SNAP91: variants seen among roughly 807,000 people sequenced by gnomAD.
SNAP91 encodes clathrin coat assembly protein AP180.
Under a neutral mutation model 100.3 loss-of-function variants are expected in SNAP91, and 27 were observed. That is an observed-to-expected ratio of 0.27 (90% CI 0.20 to 0.37). The LOEUF (loss-of-function observed/expected upper bound fraction) is 0.37, where lower values mean the gene tolerates loss of function less well. Ranked by LOEUF, SNAP91 falls within the 10% of genes least tolerant of loss-of-function variation. The pLI is 1.00. For missense variants in SNAP91, 986 were observed against 1,123.7 expected (o/e 0.88, Z 1.75); for synonymous variants, 404 against 398.6 (o/e 1.01, Z -0.16).
chr6:83,613,733 A>G (rs1442264179), intron 11 of SNAP91, among the ~76,000 whole-genome samples: 4 of 152,174 alleles, frequency 2.6e-5, no homozygotes, highest in Non-Finnish European at 4.4e-5. Context: ...CTCTTACACA[A>G]CATATAAATT....
chr6:83,614,757 A>T, intron 11 of SNAP91, 100 bp downstream of exon 11: 6 of 844,376 alleles, frequency 7.1e-6, no homozygotes, highest in Non-Finnish European at 1.1e-5. Flanking sequence ...GACAGAAATC[A>T]GTTTTAAATC....
intron 26 of SNAP91, among the ~76,000 whole-genome samples, chr6:83,570,639 T>C (rs1805568982): frequency 6.6e-6 from 1 of 152,070 alleles, no homozygotes; most frequent in Non-Finnish European, 1.5e-5. Context: ...GTGTCCCGGC[T>C]GCTCCAGCTG....
At chr6:83,707,979 G>T (rs889378180) in intron 1 of SNAP91, 22 bp from the exon 2 acceptor site, 6 of 1,520,828 alleles carry the variant, frequency 3.9e-6, no homozygotes, top group African/African-American at 1.4e-5. Context: ...AAGGGGAGAC[G>T]GTCCGGCTTT....
chr6:83,707,685 T>G, intron 2 of SNAP91, 113 bp downstream of exon 2: 1 of 1,396,046 alleles, frequency 7.2e-7, no homozygotes, highest in Non-Finnish European at 9.6e-7. Flanking sequence ...AGGGGCAACC[T>G]GGCTGGGAGT....
chr6:83,588,649 T>C (rs1174799604), intron 22 of SNAP91, among the ~76,000 whole-genome samples: 1 of 152,166 alleles, frequency 6.6e-6, no homozygotes, highest in Non-Finnish European at 1.5e-5. Flanking sequence ...TGTTTTTAGA[T>C]TCTTATTGCA....
chr6:83,584,962 C>T (rs1027362880), intron 22 of SNAP91, among the ~76,000 whole-genome samples: 9 of 152,112 alleles, frequency 5.9e-5, no homozygotes, highest in African/African-American at 2.2e-4. Flanking sequence ...TCCCATTATA[C>T]TCGGTTCTTA....
intron 17 of SNAP91, among the ~76,000 whole-genome samples, 179 bp downstream of exon 17, chr6:83,594,195 A>G (rs980708024): frequency 3.3e-5 from 5 of 152,244 alleles, no homozygotes; most frequent in South Asian, 2.1e-4. Context: ...GTCAATTTTG[A>G]TAAGTATGTA....
In SNAP91 at chr6:83,592,477, TG is replaced by T. The variant is rs1218469852; in HGVS notation, c.1907del (p.Ser636Ter). The T allele has an allele frequency of 6.2e-7, 1 of 1,612,346 alleles. No individual in the cohort carries two copies. Among genetic ancestry groups the T allele is most frequent in the South Asian group, 1.1e-5 (1 of 90,460 alleles). ...TTASPAKVDS[S>X]GVIDLFGDAF... ...CACCCCCAAAAAGGTCTATGACACC[TG>T]AAGAATCCACCTTTGCTGGCGAGGC... On this transcript the variant is annotated frameshift_variant, in exon 21 of 30. Transcript: ENST00000369694. LOFTEE classifies it high-confidence loss of function.
At chr6:83,700,509 C>T (rs813882) in intron 2 of SNAP91, among the ~76,000 whole-genome samples, 45,762 of 151,396 alleles carry the variant, frequency 0.3, 7,301 homozygotes, top group East Asian at 0.6. Flanking sequence ...ATGCATTACT[C>T]ACTAAAAGTG....
intron 7 of SNAP91, among the ~76,000 whole-genome samples, chr6:83,652,278 T>A (rs2098240530): frequency 6.6e-6 from 1 of 152,156 alleles, no homozygotes. Context: ...TTGTTCCTAT[T>A]TTTGTCTTCC....
At chr6:83,616,931 A>AT in intron 10 of SNAP91, 38 bp downstream of exon 10, 2 of 1,282,666 alleles carry the variant, frequency 1.6e-6, no homozygotes, top group East Asian at 2.5e-5. Flanking sequence ...CGACTGTAGT[A>AT]TTTTTCATCT....
At chr6:83,569,225 CA>C (rs1183003140) in intron 26 of SNAP91, among the ~76,000 whole-genome samples, 1 of 151,014 alleles carries the variant, frequency 6.6e-6, no homozygotes. Context: ...TTTATTGTAA[CA>C]AATAGTTTCT....
In SNAP91 at chr6:83,580,398, C is replaced by T. The variant is rs76720405; in HGVS notation, c.2299+52G>A. On this transcript the variant is annotated intron_variant, in intron 24 of 29. Transcript: ENST00000369694. Reference sequence around the variant, plus strand: ...GAGAGAGAGAGAGAGAAACAAAAAACAATTCACATATGCTTCAGTTAAAGA... The same window carrying T: ...GAGAGAGAGAGAGAGAAACAAAAAATAATTCACATATGCTTCAGTTAAAGA... 4,522 of 1,522,820 alleles carry T rather than the reference C, an allele frequency of 3.0e-3. 113 individuals carry two copies. In the African/African-American group the frequency reaches 0.06, roughly 20 times the overall value. 94.3% of individuals were successfully genotyped at this position (1,522,820 alleles called of 1,614,324 possible). A position where few individuals can be genotyped will look rare whatever the true frequency, so the allele number is the denominator to read the frequency against.
chr6:83,654,570 G>C (rs985263310), intron 7 of SNAP91, among the ~76,000 whole-genome samples: 3 of 152,128 alleles, frequency 2.0e-5, no homozygotes, highest in Non-Finnish European at 1.5e-5. Flanking sequence ...AAGGAAATTA[G>C]ATCCAGTGAA....
Position 83,601,331 on chromosome 6 carries a change from C to A in SNAP91, c.1264G>T (p.Ala422Ser). ...TTTAEIATAS[A>S]SASTTTTVTA... is the part of the protein sequence containing the mutation. The stretch of plus-strand genomic sequence containing the variant: ...ACAGTTGTAGTAGTGGAGGCAGAAG[C>A]TGAGGCAGTTGCAATTTCAGCAGTT... Residue 422 changes from alanine to serine, a missense_variant, in exon 16 of 30, where the codon GCT (alanine) becomes TCT (serine). Ala to Ser is a moderately conservative substitution (Grantham distance 99). Coordinates refer to ENST00000369694, the MANE Select transcript of SNAP91 (RefSeq NM_001242792.2). The A allele has an allele frequency of 6.2e-7, 1 of 1,613,588 alleles. No individual in the cohort carries two copies. The highest frequency in any genetic ancestry group is 8.5e-7 in the Non-Finnish European group (1 of 1,179,756).
In SNAP91 at chr6:83,607,714, G is replaced by A. The variant is rs962901812; in HGVS notation, c.1007C>T (p.Ala336Val). The change falls in exon 13 of 30, where the codon GCG becomes GTG. Residue 336 changes from alanine (A) to valine (V), a missense_variant. By Grantham distance (64) the Ala-to-Val change is moderately conservative (BLOSUM62 0). Transcript: ENST00000369694. ...PPVDLFATAS[A>V]AVPVSTSKPS... ...ATTTACCAACCTGACTGGGACAGCCGCAGATGCAGTTGCAAATAAATCAAC... is the reference window on the plus strand; with the variant it reads ...ATTTACCAACCTGACTGGGACAGCCACAGATGCAGTTGCAAATAAATCAAC... 3.2e-5 allele frequency: 51 copies of A among 1,576,982 alleles called. No homozygotes were observed. Among genetic ancestry groups the A allele is most frequent in the African/African-American group, 4.1e-5 (3 of 74,054 alleles).
chr6:83,708,116 G>A lies in SNAP91; in HGVS notation c.-30-159C>T, dbSNP rs2099405051. 9.8e-6 allele frequency: 6 copies of A among 609,148 alleles called. No homozygotes were observed. In the South Asian group the frequency reaches 1.5e-4, roughly 15 times the overall value. The allele number at this position is 609,148 out of a possible 1,614,324, so 37.7% of individuals were successfully genotyped here. On this transcript the variant is annotated intron_variant, in intron 1 of 29. Coordinates refer to ENST00000369694, the MANE Select transcript of SNAP91 (RefSeq NM_001242792.2). ...CAGCAACGCGCCAAGCCCCGCTCCT[G>A]CGATGCGGTCCAGGGAGTCTTGGCC...
rs547394563 is a variant in SNAP91 at position 83,691,765 on chromosome 6, C to T, written c.130+16033G>A. Among the ~76,000 whole-genome samples the T allele has an allele frequency of 1.1e-4, 17 of 152,026 alleles. No individual in the cohort carries two copies. In the East Asian group the frequency reaches 3.3e-3, roughly 29 times the overall value. Reference sequence around the variant, plus strand: ...AACCACCATTATTTTCTTAAAGAAGCAATAATCTTCGTTAACAAAAACCTA... The same window carrying T: ...AACCACCATTATTTTCTTAAAGAAGTAATAATCTTCGTTAACAAAAACCTA... On this transcript the variant is annotated intron_variant, in intron 2 of 29. Transcript: ENST00000369694.
At chr6:83,675,550 T>C (rs1222040847) in intron 2 of SNAP91, among the ~76,000 whole-genome samples, 1 of 152,182 alleles carries the variant, frequency 6.6e-6, no homozygotes, top group African/African-American at 2.4e-5. Context: ...AAAAATTCTC[T>C]TACACTATTT....
Sources: allele counts gnomAD v4.1 joint callset (sites outside exome capture counted in the v4.1 genomes callset), GRCh38; gene constraint gnomAD v4.1.1; transcripts MANE v1.5; gene names NCBI Gene and HGNC (gene_info 2026-07-23, HGNC 2026-07-21).